The following PLCH2 variants were observed in gnomAD, a reference collection of about 807,000 sequenced individuals.
PLCH2 encodes phospholipase C eta 2.
Under a neutral mutation model 134.7 loss-of-function variants are expected in PLCH2, and 98 were observed. That is an observed-to-expected ratio of 0.73 (90% CI 0.62 to 0.86). The LOEUF is 0.86. Ranked by LOEUF, PLCH2 falls within the 40% of genes least tolerant of loss-of-function variation. PLCH2 has a pLI of 0.00. For synonymous variants in PLCH2, 974 were observed against 827.5 expected, an observed-to-expected ratio of 1.18 and a Z score of -3.04; for missense variants, 1,994 against 1,986.6, an observed-to-expected ratio of 1.00 and a Z score of -0.07.
chr1:2,418,487 A>G, the PLCH2 span, among the ~76,000 whole-genome samples: 296 of 152,304 alleles, frequency 1.9e-3, 1 homozygote, highest in Non-Finnish European at 3.1e-3. Context: ...CATGGCTGGC[A>G]TTGGGCCCCA....
rs1035852030 is a variant in PLCH2 at position 2,489,360 on chromosome 1, G to A, written c.1389G>A (p.Lys463=). The change falls in exon 9 of 22, where the codon AAG becomes AAA. Residue 463 remains lysine, a synonymous_variant. Transcript: ENST00000378486. ...ATTLPSPQML[K]GKILVKGKKL... is the part of the protein sequence containing the mutation. ...CACTCCCCTCTCCACAGATGCTCAA[G>A]GGCAAGATCCTCGTGAAGGTGAGTG... is the stretch of plus-strand genomic sequence containing the variant. 6.2e-7 allele frequency: 1 copy of A among 1,613,722 alleles called. No homozygotes were observed.
intron 1 of PLCH2, among the ~76,000 whole-genome samples, chr1:2,478,173 C>G (rs1041839742): frequency 1.3e-5 from 2 of 152,154 alleles, no homozygotes; most frequent in Non-Finnish European, 2.9e-5. Flanking sequence ...GGCAGGTGGC[C>G]GAGCAGGGTG....
At chr1:2,427,710 G>A (rs562507973) in intron 1 of PLCH2, among the ~76,000 whole-genome samples, 356 of 152,262 alleles carry the variant, frequency 2.3e-3, no homozygotes, top group African/African-American at 8.3e-3. Flanking sequence ...CTGGGAGCTC[G>A]CGATCCAAGG....
intron 20 of PLCH2, 62 bp downstream of exon 20, chr1:2,499,782 T>C: frequency 1.6e-6 from 2 of 1,282,190 alleles, no homozygotes; most frequent in South Asian, 1.3e-5. Flanking sequence ...CCTTGTCCCA[T>C]GCCCCCCCAT....
At chr1:2,473,650 C>T (rs116923511), upstream of PLCH2, among the ~76,000 whole-genome samples, 253 of 152,322 alleles carry the variant, frequency 1.7e-3, 1 homozygote, top group African/African-American at 2.6e-3. Flanking sequence ...GCGCCTGCTA[C>T]GTGTTGGATC....
chr1:2,450,608 C>A (rs1640157345), intron 2 of PLCH2, among the ~76,000 whole-genome samples: 2 of 94,656 alleles, frequency 2.1e-5, no homozygotes, highest in Admixed American at 2.1e-4. Context: ...GCCCCCCACT[C>A]GGCCTGCCCT....
rs945420557 is a variant in PLCH2 at position 2,439,580 on chromosome 1, T to G, written c.115+8951T>G. 3.3e-5 allele frequency among the ~76,000 whole-genome samples: 5 copies of G among 152,250 alleles called. No homozygotes were observed. The highest frequency in any genetic ancestry group is 1.2e-4 in the African/African-American group (5 of 41,472). On this transcript the variant is annotated intron_variant, in intron 2 of 3. Coordinates refer to the PLCH2 transcript ENST00000609981. This position sits in a 1 kb window ranked among gnomAD's most constrained non-coding sequence, Gnocchi z 4.7. Reference sequence around the variant, plus strand: ...GATTAAGCCCATTGATTGAGTTGCGTGCACGTGCTCTCTCTGCAGTGCTCA... The same window carrying G: ...GATTAAGCCCATTGATTGAGTTGCGGGCACGTGCTCTCTCTGCAGTGCTCA...
At chr1:2,465,761 G>A (rs922545798), upstream of PLCH2, among the ~76,000 whole-genome samples, 12 of 152,238 alleles carry the variant, frequency 7.9e-5, no homozygotes, top group Non-Finnish European at 1.2e-4. Context: ...TCCTGGCTGA[G>A]TGGCGGGCGG....
At chr1:2,429,868 G>A (rs1004068220) in intron 1 of PLCH2, among the ~76,000 whole-genome samples, 3 of 152,162 alleles carry the variant, frequency 2.0e-5, no homozygotes, top group Admixed American at 1.3e-4. Context: ...CAGCAGGAGG[G>A]GCTGGGGGGG....
intron 2 of PLCH2, among the ~76,000 whole-genome samples, chr1:2,440,296 G>T (rs1023650322): frequency 1.3e-5 from 2 of 152,308 alleles, no homozygotes; most frequent in South Asian, 2.1e-4. Flanking sequence ...GATCTCGGGT[G>T]GGGGGCAGGC....
In PLCH2 at chr1:2,448,027, G is replaced by A. The variant is rs1255681862; in HGVS notation, c.115+17398G>A. Among the ~76,000 whole-genome samples the A allele has an allele frequency of 2.6e-5, 4 of 152,180 alleles. No homozygotes were observed. The highest frequency in any genetic ancestry group is 9.7e-5 in the African/African-American group (4 of 41,436). ...CGCAGTGCCTGTGGGTGGAGGGCAT[G>A]GTGCCCCTGGCTGCTGTGGTCCTTT... On this transcript the variant is annotated intron_variant, in intron 2 of 3. Coordinates refer to the PLCH2 transcript ENST00000609981. This position sits in a 1 kb window ranked among gnomAD's most constrained non-coding sequence, Gnocchi z 4.0.
upstream of PLCH2, among the ~76,000 whole-genome samples, chr1:2,473,775 C>T (rs2100629686): frequency 6.6e-6 from 1 of 152,316 alleles, no homozygotes; most frequent in East Asian, 1.9e-4. Context: ...GTGCAGGGAC[C>T]TGGGGGAGCA....
the PLCH2 span, among the ~76,000 whole-genome samples, chr1:2,416,608 GCA>G: frequency 6.6e-6 from 1 of 152,238 alleles, no homozygotes; most frequent in Non-Finnish European, 1.5e-5. Context: ...CCCTGGGTGG[GCA>G]CAGTCAGGCA....
chr1:2,451,380 G>A (rs938196636), intron 2 of PLCH2, among the ~76,000 whole-genome samples: 3 of 152,218 alleles, frequency 2.0e-5, no homozygotes, highest in Non-Finnish European at 4.4e-5. Flanking sequence ...AGATTGTCGC[G>A]GAGAATGTGG....
In PLCH2 at chr1:2,485,313, C is replaced by T. The variant is rs530204346; in HGVS notation, c.816+695C>T. On this transcript the variant is annotated intron_variant, in intron 5 of 21. Transcript: ENST00000378486. ...CTGGGCAGGGACTGGGTACCGCATGCCCTGGTGGCAGGAGTTGCAGGTCCA... is the reference window on the plus strand; with the variant it reads ...CTGGGCAGGGACTGGGTACCGCATGTCCTGGTGGCAGGAGTTGCAGGTCCA... 5.9e-5 allele frequency among the ~76,000 whole-genome samples: 9 copies of T among 152,338 alleles called. No homozygotes were observed. In the South Asian group the frequency reaches 1.9e-3, roughly 32 times the overall value.
chr1:2,460,140 C>A (rs1272317979), intron 2 of PLCH2, among the ~76,000 whole-genome samples: 1 of 152,268 alleles, frequency 6.6e-6, no homozygotes, highest in East Asian at 1.9e-4. Context: ...AAGGGAGGGG[C>A]CCGTGCCCCC....
intron 2 of PLCH2, among the ~76,000 whole-genome samples, chr1:2,450,993 G>A (rs891691818): frequency 2.6e-5 from 4 of 151,862 alleles, no homozygotes; most frequent in Non-Finnish European, 1.5e-5. Context: ...TGGGACCCCC[G>A]CCTGTGCTAG....
At position 2,504,229 on chromosome 1, in the gene PLCH2, C is replaced by G. The variant is rs775081879; in HGVS notation, c.3267C>G (p.Pro1089=). 2 of 1,571,902 alleles carry G rather than the reference C, an allele frequency of 1.3e-6. No homozygotes were observed. The highest frequency in any genetic ancestry group is 1.4e-5 in the African/African-American group (1 of 73,728). The change falls in exon 22 of 22, where the codon CCC becomes CCG. Residue 1089 remains proline (P), a synonymous_variant. Coordinates refer to ENST00000378486, the MANE Select transcript of PLCH2 (RefSeq NM_014638.4). ...AGCCCCGGACCCTGGGCCACCTGCC[C>G]GTGATTAGAAGGGTGAAGAGTGAGG... ...RSQPRTLGHL[P]VIRRVKSEGQ...
At chr1:2,501,249 G>A (rs989785230) in intron 20 of PLCH2, 1 of 152,118 alleles carries the variant, frequency 6.6e-6, no homozygotes, top group Admixed American at 6.5e-5. Context: ...GGCTCGTCAT[G>A]GGGGCGCGGT....
Sources: allele counts gnomAD v4.1 joint callset (sites outside exome capture counted in the v4.1 genomes callset), GRCh38; gene constraint gnomAD v4.1.1; non-coding constraint Gnocchi (gnomAD v3.1); transcripts MANE v1.5; gene names NCBI Gene and HGNC (gene_info 2026-07-23, HGNC 2026-07-21).